ALK: variants seen among roughly 807,000 people sequenced by gnomAD.
The protein encoded by ALK is ALK receptor tyrosine kinase, also known as ALK tyrosine kinase receptor.
Under a neutral mutation model 163.1 loss-of-function variants are expected in ALK, and 74 were observed. The ratio of observed to expected loss-of-function variants is 0.45; its 90% CI spans 0.38 to 0.55. ALK has a LOEUF of 0.55. Among genes scored for constraint, ALK ranks in the 20% least tolerant of loss-of-function variants. The pLI, the probability that ALK is intolerant of heterozygous loss-of-function variation, is 0.00. For missense variants in ALK, 2,063 were observed against 2,105.3 expected, an observed-to-expected ratio of 0.98 and a Z score of 0.39; for synonymous variants, 960 against 843.2, an observed-to-expected ratio of 1.14 and a Z score of -2.40.
intron 3 of ALK, among the ~76,000 whole-genome samples, chr2:29,624,063 C>T (rs1676118037): frequency 2.5e-5 from 1 of 39,454 alleles, no homozygotes. Flanking sequence ...GATATTTATA[C>T]CCTAGCAAGA....
At chr2:29,506,696 A>G (rs1041602500) in intron 4 of ALK, among the ~76,000 whole-genome samples, 1 of 151,584 alleles carries the variant, frequency 6.6e-6, no homozygotes, top group African/African-American at 2.4e-5. Flanking sequence ...CGGTGAGCCG[A>G]GATTGTGCCA....
At chr2:29,551,547 A>G (rs1412087054) in intron 3 of ALK, among the ~76,000 whole-genome samples, 1 of 152,194 alleles carries the variant, frequency 6.6e-6, no homozygotes, top group Non-Finnish European at 1.5e-5. Flanking sequence ...AGTAAGCAAT[A>G]GAACTAAGAC....
chr2:29,750,771 G>A (rs993825344), intron 1 of ALK, among the ~76,000 whole-genome samples: 1 of 151,356 alleles, frequency 6.6e-6, no homozygotes, highest in Non-Finnish European at 1.5e-5. Context: ...GAGAAAGAAA[G>A]AGAATGACAG....
intron 23 of ALK, among the ~76,000 whole-genome samples, chr2:29,220,201 G>A (rs1019170900): frequency 1.3e-5 from 2 of 152,104 alleles, no homozygotes; most frequent in South Asian, 2.1e-4. Context: ...GACCATGGGT[G>A]GATTTCCCCC....
intron 1 of ALK, among the ~76,000 whole-genome samples, chr2:29,798,829 T>C (rs1664390193): frequency 6.6e-6 from 1 of 152,184 alleles, no homozygotes; most frequent in Non-Finnish European, 1.5e-5. Flanking sequence ...CTGGAGAATT[T>C]TCCTGGGGGA....
chr2:29,826,961 A>T (rs1665219253), intron 1 of ALK, among the ~76,000 whole-genome samples: 1 of 152,222 alleles, frequency 6.6e-6, no homozygotes, highest in Admixed American at 6.5e-5. Flanking sequence ...CAGCATTTCA[A>T]AAAGGTTTGC....
chr2:29,800,077 AATG>A (rs1336034284), intron 1 of ALK, among the ~76,000 whole-genome samples: 1 of 152,194 alleles, frequency 6.6e-6, no homozygotes, highest in African/African-American at 2.4e-5. Context: ...GTGCTCTAAG[AATG>A]ATGACAGTCC....
At chr2:29,772,497 G>C in intron 1 of ALK, among the ~76,000 whole-genome samples, 1 of 152,152 alleles carries the variant, frequency 6.6e-6, no homozygotes, top group Non-Finnish European at 1.5e-5. Flanking sequence ...GGGTGGGGTG[G>C]AGAATGCGAG....
intron 13 of ALK, among the ~76,000 whole-genome samples, chr2:29,234,124 C>T (rs1481470110): frequency 2.0e-5 from 3 of 151,996 alleles, no homozygotes; most frequent in Admixed American, 6.6e-5. Flanking sequence ...ACAAGGGTCT[C>T]TTTGGCCCAG....
intron 4 of ALK, among the ~76,000 whole-genome samples, chr2:29,409,012 A>G (rs1669662378): frequency 1.3e-5 from 2 of 152,224 alleles, no homozygotes; most frequent in Non-Finnish European, 2.9e-5. Context: ...CCTATCTCTG[A>G]AGGCAAAGAA....
chr2:29,333,353 T>A (rs1028115694), intron 5 of ALK, among the ~76,000 whole-genome samples: 1 of 152,180 alleles, frequency 6.6e-6, no homozygotes, highest in African/African-American at 2.4e-5. Context: ...TGGCTTCAAG[T>A]GATCCGCCCA....
intron 4 of ALK, among the ~76,000 whole-genome samples, chr2:29,495,771 G>A (rs1415487269): frequency 6.6e-6 from 1 of 152,170 alleles, no homozygotes; most frequent in East Asian, 1.9e-4. Flanking sequence ...CATTGACCCA[G>A]ATTTTTCTGT....
At chr2:29,720,599 A>G (rs1443360129) in intron 1 of ALK, among the ~76,000 whole-genome samples, 1 of 152,224 alleles carries the variant, frequency 6.6e-6, no homozygotes, top group Admixed American at 6.5e-5. Flanking sequence ...ACATGAATGC[A>G]GTTGTTTTCC....
intron 1 of ALK, among the ~76,000 whole-genome samples, chr2:29,774,610 CA>C (rs1681120427): frequency 6.6e-6 from 1 of 152,192 alleles, no homozygotes; most frequent in South Asian, 2.1e-4. Flanking sequence ...ACCTGGGACT[CA>C]CTCAGTTGTT....
chr2:29,391,132 T>G (rs1669158784), intron 4 of ALK, among the ~76,000 whole-genome samples: 1 of 152,134 alleles, frequency 6.6e-6, no homozygotes, highest in Admixed American at 6.5e-5. Context: ...GTAAAGCAGT[T>G]TTCATTTCAT....
At chr2:29,578,053 C>A (rs969519421) in intron 3 of ALK, among the ~76,000 whole-genome samples, 1 of 152,142 alleles carries the variant, frequency 6.6e-6, no homozygotes, top group Non-Finnish European at 1.5e-5. Flanking sequence ...GTGTCCCCAC[C>A]CAAATCGCAT....
chr2:29,814,136 C>T (rs1395389510), intron 1 of ALK, among the ~76,000 whole-genome samples: 1 of 152,164 alleles, frequency 6.6e-6, no homozygotes, highest in Non-Finnish European at 1.5e-5. Context: ...ACTTTGAGCA[C>T]TCTGCAAATG....
At chr2:29,435,967 A>G (rs1452791914) in intron 4 of ALK, among the ~76,000 whole-genome samples, 1 of 152,180 alleles carries the variant, frequency 6.6e-6, no homozygotes, top group East Asian at 1.9e-4. Context: ...GCACATCTGG[A>G]GAACTTTTCC....
intron 5 of ALK, among the ~76,000 whole-genome samples, chr2:29,343,797 G>T (rs551098124): frequency 6.6e-6 from 1 of 152,304 alleles, no homozygotes; most frequent in East Asian, 1.9e-4. Context: ...TTGCTACGAA[G>T]TACAGGCAGA....
Sources: allele counts gnomAD v4.1 joint callset (sites outside exome capture counted in the v4.1 genomes callset), GRCh38; gene constraint gnomAD v4.1.1; transcripts MANE v1.5; gene names NCBI Gene and HGNC (gene_info 2026-07-23, HGNC 2026-07-21).